PCDHGA3: variants seen among roughly 807,000 people sequenced by gnomAD.
The protein encoded by PCDHGA3 is protocadherin gamma-A3.
Under a neutral mutation model 58.5 loss-of-function variants are expected in PCDHGA3, and 40 were observed. That is an observed-to-expected ratio of 0.68 (90% CI 0.53 to 0.89). The LOEUF is 0.89. Among genes scored for constraint, PCDHGA3 ranks in the 40% least tolerant of loss-of-function variants. The pLI, the probability that PCDHGA3 is intolerant of heterozygous loss-of-function variation, is 0.00. For missense variants in PCDHGA3, 1,223 were observed against 1,195.9 expected, an observed-to-expected ratio of 1.02 and a Z score of -0.33; for synonymous variants, 530 against 525.7, an observed-to-expected ratio of 1.01 and a Z score of -0.11.
chr5:141,438,579 CATACATACATACATATAT>C (rs1303045573), intron 1 of PCDHGA3, among the ~76,000 whole-genome samples: 21 of 55,772 alleles, frequency 3.8e-4, no homozygotes, highest in Admixed American at 1.1e-3. Context: ...GATATACATA[CATACATACATACATATAT>C]ATATATATAT....
At chr5:141,433,693 C>T (rs772152724) in intron 1 of PCDHGA3, among the ~76,000 whole-genome samples, 2 of 151,986 alleles carry the variant, frequency 1.3e-5, no homozygotes, top group Admixed American at 6.6e-5. Flanking sequence ...CAAAATTAGC[C>T]GGGCGTGGTG....
intron 1 of PCDHGA3, chr5:141,357,355 T>C: frequency 1.2e-6 from 2 of 1,614,154 alleles, no homozygotes; most frequent in Non-Finnish European, 1.7e-6. Context: ...GCTGAGACGC[T>C]GGCACAAGTC....
chr5:141,343,981 C>A lies in PCDHGA3; in HGVS notation c.-53C>A, dbSNP rs766221087. ...TTTCTTGAGAAAATAAGATTGGAGT[C>A]CGTCGTAGGAAACTGGAACCGAATT... On this transcript the variant is annotated 5_prime_UTR_variant, in exon 1 of 4. Transcript: ENST00000253812. 464 of 1,417,526 alleles carry A rather than the reference C, an allele frequency of 3.3e-4. 3 individuals carry two copies. The highest frequency in any genetic ancestry group is 1.8e-3 in the Middle Eastern group (9 of 5,134). The allele number at this position is 1,417,526 out of a possible 1,614,324, so 87.8% of individuals were successfully genotyped here. A position where few individuals can be genotyped will look rare whatever the true frequency, so the allele number is the denominator to read the frequency against.
chr5:141,375,639 C>T (rs1364618927), intron 1 of PCDHGA3: 2 of 1,614,126 alleles, frequency 1.2e-6, no homozygotes, highest in Non-Finnish European at 1.7e-6. Flanking sequence ...GCCCTGCGCT[C>T]CTTCGACTAT....
At chr5:141,393,524 C>T (rs1197723193) in intron 1 of PCDHGA3, 4 of 1,614,010 alleles carry the variant, frequency 2.5e-6, no homozygotes, top group South Asian at 2.2e-5. Context: ...ATACAAATGA[C>T]AATGCCCCGG....
intron 1 of PCDHGA3, chr5:141,355,058 T>C (rs1759702915): frequency 1.6e-6 from 2 of 1,271,556 alleles, no homozygotes; most frequent in Non-Finnish European, 1.1e-6. Context: ...GCACTGGCTC[T>C]GGAGCTTTAT....
intron 1 of PCDHGA3, chr5:141,357,816 T>C: frequency 1.4e-6 from 1 of 715,180 alleles, no homozygotes; most frequent in Non-Finnish European, 2.2e-6. Context: ...TTATTACTTA[T>C]CCTTTTTGGT....
At position 141,450,045 on chromosome 5, in the gene PCDHGA3, C is replaced by T. The variant is rs369046547; in HGVS notation, c.2425-44762C>T. On this transcript the variant is annotated intron_variant, in intron 1 of 3. Transcript: ENST00000253812. Reference sequence around the variant, plus strand: ...TTTTTGAGACAGGGTCTCACTCTTTCGCCCAGGCTGGAATGCAGTGGTATG... The same window carrying T: ...TTTTTGAGACAGGGTCTCACTCTTTTGCCCAGGCTGGAATGCAGTGGTATG... 4.6e-5 allele frequency among the ~76,000 whole-genome samples: 6 copies of T among 129,508 alleles called. No individual in the cohort carries two copies. In the South Asian group the frequency reaches 9.6e-4, roughly 21 times the overall value. 85.0% of individuals were successfully genotyped at this position (129,508 alleles called of 152,430 possible).
At position 141,486,238 on chromosome 5, in the gene PCDHGA3, G is replaced by C. The variant is rs1414434705; in HGVS notation, c.2425-8569G>C. 6.2e-7 allele frequency: 1 copy of C among 1,614,058 alleles called. No homozygotes were observed. The highest frequency in any genetic ancestry group is 8.5e-7 in the Non-Finnish European group (1 of 1,180,024). On this transcript the variant is annotated intron_variant, in intron 1 of 3. Coordinates refer to ENST00000253812, the MANE Select transcript of PCDHGA3 (RefSeq NM_018916.4). This position sits in a 1 kb window ranked among gnomAD's most constrained non-coding sequence, Gnocchi z 5.0. ...CCCCTTACATCACAGTGACCTCAGA[G>C]CTTGGAACCCTCCCCGAGAGTGCAG... is the stretch of plus-strand genomic sequence containing the variant.
intron 1 of PCDHGA3, chr5:141,367,404 GCA>G (rs1765111997): frequency 2.0e-5 from 3 of 152,244 alleles, no homozygotes; most frequent in African/African-American, 7.2e-5. Flanking sequence ...GGGCGTGGTG[GCA>G]GGCGCCTGTA....
Position 141,344,574 on chromosome 5 carries a change from G to A in PCDHGA3, c.541G>A (p.Ala181Thr), listed in dbSNP as rs866197443. 6.2e-7 allele frequency: 1 copy of A among 1,613,972 alleles called. No homozygotes were observed. Among genetic ancestry groups the A allele is most frequent in the African/African-American group, 1.3e-5 (1 of 75,042 alleles). Reference sequence around the variant, plus strand: ...TAGCCCCAATGACTACTTCTCTCTGGCTGTGAATAGCGTCTCTGAGGGGGC... The same window carrying A: ...TAGCCCCAATGACTACTTCTCTCTGACTGTGAATAGCGTCTCTGAGGGGGC... ...KLSPNDYFSL[A>T]VNSVSEGAKY... The change falls in exon 1 of 4, where the codon GCT becomes ACT. Residue 181 changes from alanine to threonine, a missense_variant. Physicochemically the swap from Ala to Thr is moderately conservative, Grantham distance 58. This residue lies in a region of PCDHGA3 where 791 missense variants were observed against 708.5 expected (regional missense o/e 1.12). Transcript: ENST00000253812.
chr5:141,484,123 T>C (rs2099592351), intron 1 of PCDHGA3, among the ~76,000 whole-genome samples: 1 of 152,174 alleles, frequency 6.6e-6, no homozygotes, highest in South Asian at 2.1e-4. Flanking sequence ...AAGAATACCT[T>C]GGTGTCAGAT....
chr5:141,385,246 G>A (rs1285071081), intron 1 of PCDHGA3: 1 of 1,614,084 alleles, frequency 6.2e-7, no homozygotes, highest in Non-Finnish European at 8.5e-7. Context: ...CATCAGCCAG[G>A]AGAGCTGTGA....
intron 1 of PCDHGA3, among the ~76,000 whole-genome samples, chr5:141,462,068 C>T (rs1006462521): frequency 6.6e-6 from 1 of 152,196 alleles, no homozygotes; most frequent in African/African-American, 2.4e-5. Context: ...GGTGATCTGC[C>T]CGCCTTGGCC....
chr5:141,510,837 GTCAAGGCCCAGGGTGC>G, intron 3 of PCDHGA3, 94 bp from the exon 4 acceptor site: 1 of 1,586,392 alleles, frequency 6.3e-7, no homozygotes, highest in Non-Finnish European at 8.6e-7. Flanking sequence ...GCTCAGCGTG[GTCAAGGCCCAGGGTGC>G]TGTATAGGCA....
In PCDHGA3 at chr5:141,512,009, CAAGTT is replaced by C. The variant is rs1409890580; in HGVS notation, c.*838_*842del. On this transcript the variant is annotated 3_prime_UTR_variant, in exon 4 of 4. Transcript: ENST00000253812. ...GGGGCATGGACAAAGCTTGACACATCAAGTTATCAAGGCCTTGGAGGAGGCTCTGT... is the reference window on the plus strand; with the variant it reads ...GGGGCATGGACAAAGCTTGACACATCATCAAGGCCTTGGAGGAGGCTCTGT... 1 of 153,074 alleles carries C rather than the reference CAAGTT, an allele frequency of 6.5e-6. No individual in the cohort carries two copies. The highest frequency in any genetic ancestry group is 1.9e-4 in the East Asian group (1 of 5,182). 9.5% of individuals were successfully genotyped at this position (153,074 alleles called of 1,614,324 possible).
chr5:141,400,566 A>G (rs754437274), intron 1 of PCDHGA3: 94 of 1,612,572 alleles, frequency 5.8e-5, no homozygotes, highest in Non-Finnish European at 7.7e-5. Flanking sequence ...TACCCACCCA[A>G]TTTTCTGTAT....
At chr5:141,361,935 C>A (rs1430503003) in intron 1 of PCDHGA3, 3 of 1,605,956 alleles carry the variant, frequency 1.9e-6, no homozygotes, top group Admixed American at 1.7e-5. Flanking sequence ...ACTCAGGACA[C>A]AACGCTTGGC....
At position 141,487,398 on chromosome 5, in the gene PCDHGA3, G is replaced by A. The variant is rs1342197934; in HGVS notation, c.2425-7409G>A. 1.9e-6 allele frequency: 3 copies of A among 1,613,926 alleles called. No individual in the cohort carries two copies. The African/African-American group carries it at 4.0e-5, about 22-fold the overall frequency. ...CTCACCAGATCTCGAAGGAGGGAGGGGCTTCCCCCTTCCAATGGGATCCTC... is the reference window on the plus strand; with the variant it reads ...CTCACCAGATCTCGAAGGAGGGAGGAGCTTCCCCCTTCCAATGGGATCCTC... On this transcript the variant is annotated intron_variant, in intron 1 of 3. Transcript: ENST00000253812. The surrounding 1 kb of genome is among the most constrained non-coding windows in gnomAD (Gnocchi z 5.0).
Sources: gnomAD v4.1 joint callset for allele counts (sites outside exome capture counted in the v4.1 genomes callset) on GRCh38, gnomAD v4.1.1 for gene constraint, gnomAD v4.1.1 regional missense constraint, Gnocchi (gnomAD v3.1) non-coding constraint, MANE v1.5 for transcripts, NCBI Gene and HGNC (gene_info 2026-07-23, HGNC 2026-07-21) for gene names.